The following PI4KA variants were observed in gnomAD, a reference collection of about 807,000 sequenced individuals.
The protein encoded by PI4KA is phosphatidylinositol 4-kinase alpha.
In PI4KA, 122 loss-of-function variants were observed where a neutral mutation model predicts 271.4. That is an observed-to-expected ratio of 0.45 (90% CI 0.39 to 0.52). The LOEUF is 0.52. Ranked by LOEUF, PI4KA falls within the 20% of genes least tolerant of loss-of-function variation. PI4KA has a pLI of 0.00. For synonymous variants in PI4KA, 1,041 were observed against 1,078.8 expected (o/e 0.96, Z 0.69); for missense variants, 1,969 against 2,769.1 (o/e 0.71, Z 6.48).
At chr22:20,814,440 AC>A (rs1281154277) in intron 7 of PI4KA, among the ~76,000 whole-genome samples, 9 of 152,186 alleles carry the variant, frequency 5.9e-5, no homozygotes, top group Non-Finnish European at 1.3e-4. Context: ...ATTCAATACT[AC>A]TAAACTATAC....
chr22:20,715,154 T>C (rs776546225), intron 45 of PI4KA, among the ~76,000 whole-genome samples: 2 of 150,060 alleles, frequency 1.3e-5, no homozygotes, highest in Non-Finnish European at 3.0e-5. Context: ...CACTGCAACC[T>C]CCGCCTCCCA....
At chr22:20,800,875 A>G (rs1319458693) in intron 14 of PI4KA, among the ~76,000 whole-genome samples, 3 of 142,148 alleles carry the variant, frequency 2.1e-5, no homozygotes, top group Non-Finnish European at 4.7e-5. Context: ...CTCTGTCTCA[A>G]AAAAAAAAAA....
rs769878030 is a variant in PI4KA, at chr22:20,787,014, G to A, written c.2328+6179C>T. On this transcript the variant is annotated intron_variant, in intron 19 of 54. Transcript: ENST00000255882. ...TTTCTTTTCCTCATCTACGAGCATC[G>A]CACCAGCTGCCTGCTCTTCATGGGA... 6.2e-6 allele frequency: 10 copies of A among 1,613,950 alleles called. No homozygotes were observed. The African/African-American group carries it at 6.7e-5, about 11-fold the overall frequency.
chr22:20,731,822 G>C (rs926953861), intron 36 of PI4KA, among the ~76,000 whole-genome samples: 2 of 151,198 alleles, frequency 1.3e-5, no homozygotes, highest in African/African-American at 2.4e-5. Context: ...CCAGCTACTT[G>C]GGAGGCTGAA....
At chr22:20,739,974 A>C (rs1416000351) in intron 32 of PI4KA, among the ~76,000 whole-genome samples, 1 of 150,616 alleles carries the variant, frequency 6.6e-6, no homozygotes, top group Non-Finnish European at 1.5e-5. Context: ...AGGTGGGAGA[A>C]TCACTTGAAC....
chr22:20,840,144 G>A (rs1043331991), intron 1 of PI4KA, among the ~76,000 whole-genome samples: 1 of 152,196 alleles, frequency 6.6e-6, no homozygotes, highest in East Asian at 1.9e-4. Flanking sequence ...ACAGCACGAA[G>A]ACTTGAAAAC....
intron 23 of PI4KA, among the ~76,000 whole-genome samples, chr22:20,753,982 G>A (rs964113646): frequency 1.5e-4 from 23 of 150,556 alleles, no homozygotes; most frequent in South Asian, 2.1e-4. Context: ...CACCGTGTCC[G>A]GCCTGGATGT....
intron 19 of PI4KA, among the ~76,000 whole-genome samples, chr22:20,789,128 T>C (rs1934467348): frequency 6.6e-6 from 1 of 152,106 alleles, no homozygotes; most frequent in Non-Finnish European, 1.5e-5. Flanking sequence ...GAGTACTCAT[T>C]CAGAACACAG....
intron 3 of PI4KA, among the ~76,000 whole-genome samples, chr22:20,827,211 T>C (rs935321826): frequency 6.6e-6 from 1 of 152,224 alleles, no homozygotes; most frequent in Non-Finnish European, 1.5e-5. Context: ...CTTTAATCCA[T>C]CTTCAGTTGA....
intron 14 of PI4KA, among the ~76,000 whole-genome samples, chr22:20,800,659 A>G (rs926704798): frequency 6.6e-6 from 1 of 150,484 alleles, no homozygotes; most frequent in Non-Finnish European, 1.5e-5. Context: ...TCAGGAGATC[A>G]AGATCATCCT....
In PI4KA at chr22:20,731,941, T is replaced by TA. The variant is rs1209750106; in HGVS notation, c.4288+1029dup. On this transcript the variant is annotated intron_variant, in intron 36 of 54. Transcript: ENST00000255882. ...GAGACTCCGTCTCAAAAAATAAAAATAAAAAAAAAAGTCTGGGCGCGGAGA... is the reference window on the plus strand; with the variant it reads ...GAGACTCCGTCTCAAAAAATAAAAATAAAAAAAAAAAGTCTGGGCGCGGAGA... Among the ~76,000 whole-genome samples the TA allele has an allele frequency of 1.6e-4, 19 of 121,350 alleles. No individual in the cohort carries two copies. In the South Asian group the frequency reaches 2.7e-3, roughly 18 times the overall value. The allele number at this position is 121,350 out of a possible 152,430, so 79.6% of individuals were successfully genotyped here.
intron 11 of PI4KA, 139 bp from the exon 12 acceptor site, chr22:20,804,539 A>C (rs999725036): frequency 1.5e-6 from 1 of 667,460 alleles, no homozygotes; most frequent in African/African-American, 1.8e-5. Flanking sequence ...CTGAGAGGTC[A>C]CACAGTGTGT....
At chr22:20,734,265 C>T in intron 33 of PI4KA, 71 bp from the exon 34 acceptor site, 5 of 1,427,442 alleles carry the variant, frequency 3.5e-6, no homozygotes, top group Admixed American at 4.3e-5. Flanking sequence ...GCAGAGACAG[C>T]TGAGGAGGGG....
At chr22:20,842,792 GC>G (rs1257043690) in intron 1 of PI4KA, among the ~76,000 whole-genome samples, 5 of 143,212 alleles carry the variant, frequency 3.5e-5, no homozygotes, top group African/African-American at 1.3e-4. Context: ...TCCAGCCTGG[GC>G]CACAGAGCAA....
In PI4KA at chr22:20,727,806, C is replaced by T. The variant is rs563669044; in HGVS notation, c.4741G>A (p.Gly1581Arg). The change falls in exon 40 of 55, where the codon GGA becomes AGA. Residue 1581 changes from glycine to arginine, a missense_variant. Physicochemically the swap from Gly to Arg is moderately radical, Grantham distance 125. Transcript: ENST00000255882. ...EVTRLVRLDP[G>R]AVSDVPEAIK... The stretch of plus-strand genomic sequence containing the variant: ...GCTTCAGGCACATCACTAACGGCTC[C>T]CGGGTCCAACCGAACGAGACGGGTC... 80 of 1,613,946 alleles carry T rather than the reference C, an allele frequency of 5.0e-5. No homozygotes were observed. The highest frequency in any genetic ancestry group is 6.4e-5 in the Non-Finnish European group (76 of 1,179,970).
intron 19 of PI4KA, chr22:20,779,223 C>G (rs1346871000): frequency 6.2e-7 from 1 of 1,605,300 alleles, no homozygotes; most frequent in South Asian, 1.1e-5. Flanking sequence ...CCACAGGGAA[C>G]CTGCCATGTG....
At chr22:20,709,603 T>C (rs984941926) in intron 53 of PI4KA, 4 of 581,206 alleles carry the variant, frequency 6.9e-6, no homozygotes, top group Non-Finnish European at 9.3e-6. Context: ...CCCATGGCAT[T>C]AGGGGACTAA....
intron 43 of PI4KA, 34 bp downstream of exon 43, chr22:20,721,264 G>GT (rs745490530): frequency 1.9e-6 from 3 of 1,612,292 alleles, no homozygotes; most frequent in Admixed American, 3.3e-5. Flanking sequence ...ACTGAAGACA[G>GT]TAAGTGAGGC....
chr22:20,846,532 G>A (rs1194214405), intron 1 of PI4KA, among the ~76,000 whole-genome samples: 1 of 151,956 alleles, frequency 6.6e-6, no homozygotes. Context: ...CCTGTGAGGT[G>A]GGGGAGGGAG....
Sources: allele counts gnomAD v4.1 joint callset (sites outside exome capture counted in the v4.1 genomes callset), GRCh38; gene constraint gnomAD v4.1.1; transcripts MANE v1.5; gene names NCBI Gene and HGNC (gene_info 2026-07-23, HGNC 2026-07-21).